The following ARFGEF1 variants were observed in gnomAD, a reference collection of about 807,000 sequenced individuals.
The protein encoded by ARFGEF1 is brefeldin A-inhibited guanine nucleotide-exchange protein 1.
ARFGEF1 carries 42 observed loss-of-function variants against 231.0 expected under a neutral mutation model. The observed-to-expected ratio is 0.18, with a 90% CI of 0.14 to 0.24. The LOEUF is 0.24. ARFGEF1 is among the 10% of genes least tolerant of loss of function. ARFGEF1 has a pLI of 1.00. For missense variants in ARFGEF1, 1,345 were observed against 2,192.0 expected, an observed-to-expected ratio of 0.61 and a Z score of 7.72; for synonymous variants, 710 against 732.3, an observed-to-expected ratio of 0.97 and a Z score of 0.49.
intron 29 of ARFGEF1, among the ~76,000 whole-genome samples, chr8:67,222,352 G>A (rs529434469): frequency 1.1e-4 from 16 of 148,132 alleles, no homozygotes; most frequent in Admixed American, 7.4e-4. Context: ...TGCAACCTCC[G>A]CCTCCTGGGT....
intron 17 of ARFGEF1, among the ~76,000 whole-genome samples, chr8:67,253,974 C>T (rs1840375518): frequency 6.6e-6 from 1 of 152,162 alleles, no homozygotes; most frequent in Non-Finnish European, 1.5e-5. Flanking sequence ...ATATCAAAAA[C>T]ATTCAAATCT....
Position 67,234,535 on chromosome 8 carries a change from A to G in ARFGEF1, c.3290-1590T>C, listed in dbSNP as rs183662462. Among the ~76,000 whole-genome samples the G allele has an allele frequency of 7.1e-3, 1,074 of 152,250 alleles. 10 individuals are homozygous for G. Among genetic ancestry groups the G allele is most frequent in the South Asian group, 0.012 (58 of 4,830 alleles). On this transcript the variant is annotated intron_variant, in intron 22 of 38. Coordinates refer to ENST00000262215, the MANE Select transcript of ARFGEF1 (RefSeq NM_006421.5). ...AAGTAATGGAAACATACAACTGTACATCATGTTTTCACATACTTGGTAGTA... is the reference window on the plus strand; with the variant it reads ...AAGTAATGGAAACATACAACTGTACGTCATGTTTTCACATACTTGGTAGTA...
intron 5 of ARFGEF1, among the ~76,000 whole-genome samples, chr8:67,190,394 G>A (rs987454812): frequency 6.6e-5 from 10 of 152,050 alleles, no homozygotes; most frequent in Non-Finnish European, 1.5e-4. Context: ...GTGTTTGCCC[G>A]GGGCCAGCAG....
chr8:67,218,202 AAAAAAATATATAT>A (rs1354521942), intron 30 of ARFGEF1, 64 bp from the exon 31 acceptor site: 19 of 192,076 alleles, frequency 9.9e-5, no homozygotes, highest in Middle Eastern at 2.1e-3. Context: ...AAAAAAAAAA[AAAAAAATATATAT>A]ATATATATAT....
rs1430594041 is a variant in ARFGEF1, at chr8:67,251,310, G to A, written c.2839C>T (p.Pro947Ser). The A allele has an allele frequency of 6.3e-7, 1 of 1,598,072 alleles. No homozygotes were observed. The highest frequency in any genetic ancestry group is 8.5e-7 in the Non-Finnish European group (1 of 1,173,136). ...TTGAAAATTCTAACCTTAAACATGG[G>A]CCTCACATGCTCCAAATGTGTTGCA... ...TSATHLEHVR[P>S]MFKLAWTPFL... The change falls in exon 19 of 39, where the codon CCC becomes TCC. Residue 947 changes from proline (P) to serine (S), a missense_variant. Pro to Ser is a moderately conservative substitution (Grantham distance 74). This residue lies in a region of ARFGEF1 where 9 missense variants were observed against 58.7 expected (regional missense o/e 0.15). Coordinates refer to ENST00000262215, the MANE Select transcript of ARFGEF1 (RefSeq NM_006421.5).
At chr8:67,218,410 TA>T (rs61184771) in intron 30 of ARFGEF1, among the ~76,000 whole-genome samples, 1 of 150,568 alleles carries the variant, frequency 6.6e-6, no homozygotes, top group East Asian at 2.0e-4. Flanking sequence ...TTTTGATTAT[TA>T]AAAAAAACCA....
intron 5 of ARFGEF1, among the ~76,000 whole-genome samples, chr8:67,190,224 TGGA>T (rs1228218504): frequency 3.3e-5 from 5 of 152,216 alleles, no homozygotes; most frequent in African/African-American, 1.2e-4. Context: ...ATCCATATGA[TGGA>T]GTATTATTCA....
chr8:67,259,740 C>T lies in ARFGEF1; in HGVS notation c.2235+75G>A. On this transcript the variant is annotated intron_variant, in intron 15 of 38. Coordinates refer to ENST00000262215, the MANE Select transcript of ARFGEF1 (RefSeq NM_006421.5). Reference sequence around the variant, plus strand: ...AACTAGCCTGGGCAATATAGCGAGACCCTGTCTCTAATAAAAAGAAAAAAA... The same window carrying T: ...AACTAGCCTGGGCAATATAGCGAGATCCTGTCTCTAATAAAAAGAAAAAAA... The T allele has an allele frequency of 2.9e-6, 3 of 1,046,170 alleles. No individual in the cohort carries two copies. The South Asian group carries it at 4.8e-5, about 17-fold the overall frequency. The allele number at this position is 1,046,170 out of a possible 1,614,324, so 64.8% of individuals were successfully genotyped here.
intron 4 of ARFGEF1, among the ~76,000 whole-genome samples, chr8:67,298,965 T>C (rs185948120): frequency 6.6e-6 from 1 of 152,206 alleles, no homozygotes; most frequent in East Asian, 1.9e-4. Context: ...GTATTTTTAG[T>C]AGAGATGGGG....
downstream of ARFGEF1, chr8:67,175,153 C>T (rs781043677): frequency 3.9e-5 from 26 of 662,130 alleles, no homozygotes; most frequent in Non-Finnish European, 6.5e-5. Flanking sequence ...TTTTACTGTC[C>T]TTTGACTTTA....
At chr8:67,182,673 T>A (rs565589479) in intron 5 of ARFGEF1, among the ~76,000 whole-genome samples, 1 of 152,364 alleles carries the variant, frequency 6.6e-6, no homozygotes, top group South Asian at 2.1e-4. Flanking sequence ...ATAGTAGCAA[T>A]CCTTACGGGT....
intron 1 of ARFGEF1, among the ~76,000 whole-genome samples, chr8:67,315,735 G>T (rs1807281765): frequency 6.6e-6 from 1 of 151,912 alleles, no homozygotes; most frequent in Non-Finnish European, 1.5e-5. Context: ...ATAATCCATG[G>T]GTCAGAGGAA....
At chr8:67,343,087 G>GGCCCCCC in intron 1 of ARFGEF1, 77 bp downstream of exon 1, 2 of 971,348 alleles carry the variant, frequency 2.1e-6, no homozygotes, top group African/African-American at 1.6e-5. Flanking sequence ...AGCCCCGGGC[G>GGCCCCCC]ACCCCACCCC....
rs142933667 is a variant in ARFGEF1, at chr8:67,213,840, A to G, written c.4687-2225T>C. Among the ~76,000 whole-genome samples, 675 of 152,344 alleles carry G rather than the reference A, an allele frequency of 4.4e-3. 3 individuals are homozygous for G. The highest frequency in any genetic ancestry group is 0.015 in the African/African-American group (643 of 41,574). Reference sequence around the variant, plus strand: ...GCTTTCCAGCCTGCCTGCCTGCCCTACAAAATTTCAAACCTGCCAGCCTCC... The same window carrying G: ...GCTTTCCAGCCTGCCTGCCTGCCCTGCAAAATTTCAAACCTGCCAGCCTCC... On this transcript the variant is annotated intron_variant, in intron 33 of 38. Transcript: ENST00000262215.
At chr8:67,201,857 A>C in intron 36 of ARFGEF1, 1 of 419,822 alleles carries the variant, frequency 2.4e-6, no homozygotes, top group Non-Finnish European at 4.3e-6. Context: ...CTGCACTTGA[A>C]TCCCCAAAGC....
chr8:67,188,771 A>C (rs563385740), intron 5 of ARFGEF1, among the ~76,000 whole-genome samples: 22 of 152,248 alleles, frequency 1.4e-4, no homozygotes, highest in African/African-American at 4.6e-4. Context: ...TGCTGCTCCC[A>C]ATCAGGCTAA....
At chr8:67,207,787 G>C (rs141917658) in intron 34 of ARFGEF1, among the ~76,000 whole-genome samples, 1 of 152,172 alleles carries the variant, frequency 6.6e-6, no homozygotes, top group African/African-American at 2.4e-5. Context: ...ATGGGAGCAG[G>C]GTGGCCGCTT....
chr8:67,298,453 CAGG>C (rs1246885699), intron 4 of ARFGEF1, among the ~76,000 whole-genome samples: 3 of 152,104 alleles, frequency 2.0e-5, no homozygotes, highest in African/African-American at 7.2e-5. Context: ...GCAACGATAT[CAGG>C]AGAATTGGCG....
chr8:67,332,354 G>T (rs1544986), intron 1 of ARFGEF1, among the ~76,000 whole-genome samples: 1 of 151,898 alleles, frequency 6.6e-6, no homozygotes, highest in Non-Finnish European at 1.5e-5. Flanking sequence ...AGTTTTAAAC[G>T]GTTAGGCATA....
Sources: gnomAD v4.1 joint callset for allele counts (sites outside exome capture counted in the v4.1 genomes callset) on GRCh38, gnomAD v4.1.1 for gene constraint, gnomAD v4.1.1 regional missense constraint, MANE v1.5 for transcripts, NCBI Gene and HGNC (gene_info 2026-07-23, HGNC 2026-07-21) for gene names.